Variants in MTRF1L observed in about 807,000 individuals in gnomAD.
MTRF1L encodes peptide chain release factor 1-like, mitochondrial.
A neutral mutation model predicts 40.0 loss-of-function variants in MTRF1L; 29 were observed. That is an observed-to-expected ratio of 0.73 (90% CI 0.54 to 0.99). The LOEUF (loss-of-function observed/expected upper bound fraction) is 0.99, where lower values mean the gene tolerates loss of function less well. Among genes scored for constraint, MTRF1L ranks in the 50% least tolerant of loss-of-function variants. MTRF1L has a pLI of 0.00. For synonymous variants in MTRF1L, 150 were observed against 175.8 expected (o/e 0.85, Z 1.16); for missense variants, 412 against 464.5 (o/e 0.89, Z 1.04).
chr6:152,992,769 AAC>A, intron 5 of MTRF1L, 86 bp downstream of exon 5: 3 of 942,116 alleles, frequency 3.2e-6, no homozygotes, highest in Non-Finnish European at 5.0e-6. Flanking sequence ...CTTCTCTGGT[AAC>A]CGAGGATCTA....
intron 6 of MTRF1L, 98 bp downstream of exon 6, chr6:152,991,087 G>T: frequency 1.4e-6 from 1 of 713,912 alleles, no homozygotes; most frequent in Non-Finnish European, 2.1e-6. Flanking sequence ...TTCAACACAG[G>T]TTAAAACAAA....
At chr6:153,002,284 A>C in intron 1 of MTRF1L, 143 bp downstream of exon 1, 1 of 1,244,826 alleles carries the variant, frequency 8.0e-7, no homozygotes, top group Non-Finnish European at 1.1e-6. Context: ...CACAGCACGT[A>C]ATGATGTCCT....
chr6:153,001,128 C>T (rs1778902191), intron 1 of MTRF1L, among the ~76,000 whole-genome samples: 1 of 152,150 alleles, frequency 6.6e-6, no homozygotes. Context: ...CCACCTGAGC[C>T]TCTCAAAGTG....
At chr6:153,000,369 TACAC>T (rs891151906) in intron 1 of MTRF1L, among the ~76,000 whole-genome samples, 2 of 152,234 alleles carry the variant, frequency 1.3e-5, no homozygotes, top group Non-Finnish European at 2.9e-5. Context: ...ATTTTACACT[TACAC>T]ACCTCAATTC....
intron 6 of MTRF1L, 41 bp downstream of exon 6, chr6:152,991,144 A>G: frequency 7.6e-7 from 1 of 1,313,900 alleles, no homozygotes; most frequent in African/African-American, 1.5e-5. Context: ...ATATAAAAAT[A>G]TTTCTATCCT....
intron 1 of MTRF1L, 139 bp downstream of exon 1, chr6:153,002,288 A>G: frequency 1.6e-6 from 2 of 1,272,820 alleles, no homozygotes; most frequent in Non-Finnish European, 1.1e-6. Context: ...GCACGTAATG[A>G]TGTCCTGACC....
intron 4 of MTRF1L, 89 bp downstream of exon 4, chr6:152,994,424 T>A (rs2129098911): frequency 7.6e-7 from 1 of 1,322,138 alleles, no homozygotes; most frequent in South Asian, 1.7e-5. Flanking sequence ...ACCAAATAGA[T>A]ACTCAATTCA....
intron 1 of MTRF1L, 81 bp from the exon 2 acceptor site, chr6:152,998,710 GT>G (rs1778805423): frequency 1.1e-6 from 1 of 888,504 alleles, no homozygotes; most frequent in African/African-American, 1.7e-5. Flanking sequence ...TAGTTTTATG[GT>G]TATTATAGCT....
Position 152,990,063 on chromosome 6 carries a change from T to G in MTRF1L, c.975A>C (p.Arg325Ser). 6.2e-7 allele frequency: 1 copy of G among 1,613,938 alleles called. No homozygotes were observed. Among genetic ancestry groups the G allele is most frequent in the South Asian group, 1.1e-5 (1 of 91,026 alleles). Residue 325 changes from arginine (R) to serine (S), a missense_variant, in exon 7 of 7, where the codon AGA becomes AGC. By Grantham distance (110) the Arg-to-Ser change is moderately radical (BLOSUM62 -1). Coordinates refer to ENST00000367233, the MANE Select transcript of MTRF1L (RefSeq NM_019041.7). The part of the protein sequence containing the change: ...IGSKGRSEKI[R>S]TYNFPQNRVT... ...CCCGGTTCTGTGGAAAATTATATGT[T>G]CTTATTTTCTCTGATCTTCCTTTAC...
At chr6:152,999,507 CT>C (rs910318495) in intron 1 of MTRF1L, among the ~76,000 whole-genome samples, 2 of 152,096 alleles carry the variant, frequency 1.3e-5, no homozygotes, top group African/African-American at 4.8e-5. Flanking sequence ...AACCTAAACC[CT>C]TATGTGACAT....
chr6:153,001,256 G>A (rs181646375), intron 1 of MTRF1L, among the ~76,000 whole-genome samples: 1 of 152,158 alleles, frequency 6.6e-6, no homozygotes. Flanking sequence ...AGCTCTGGCT[G>A]TTTTTTTCTT....
rs1316753031 is a variant in MTRF1L at position 153,002,563 on chromosome 6, C to T, written c.123G>A (p.Gly41=). ...PPLEELFTRG[G]PLRTFLERQA... ...GGCGCTCGAGGAAGGTCCGCAAGGGCCCGCCCCGGGTGAACAGCTCCTCCA... is the reference window on the plus strand; with the variant it reads ...GGCGCTCGAGGAAGGTCCGCAAGGGTCCGCCCCGGGTGAACAGCTCCTCCA... The change falls in exon 1 of 7, where the codon GGG becomes GGA. Residue 41 remains glycine (G), a synonymous_variant. Transcript: ENST00000367233. 2.5e-6 allele frequency: 4 copies of T among 1,577,816 alleles called. No individual in the cohort carries two copies. The highest frequency in any genetic ancestry group is 3.4e-6 in the Non-Finnish European group (4 of 1,163,290).
Position 153,002,617 on chromosome 6 carries a change from G to A in MTRF1L, c.69C>T (p.Arg23=). The change falls in exon 1 of 7, where the codon CGC becomes CGT. Residue 23 remains arginine, a synonymous_variant. Coordinates refer to ENST00000367233, the MANE Select transcript of MTRF1L (RefSeq NM_019041.7). ...GCGGGCTACCGGAGCTCAGGGGCCGGCGGGCTGGGCCAACGGCCCGGCGGG... is the reference window on the plus strand; with the variant it reads ...GCGGGCTACCGGAGCTCAGGGGCCGACGGGCTGGGCCAACGGCCCGGCGGG... ...LWPRRAVGPA[R]RPLSSGSPPL... The A allele has an allele frequency of 6.5e-7, 1 of 1,538,790 alleles. No homozygotes were observed.
rs140963540 is a variant in MTRF1L at position 152,990,238 on chromosome 6, T to C, written c.943-143A>G. Reference sequence around the variant, plus strand: ...GGTTTTAAACACTTAGAATCTCAAATGACATGGGAACATGATATAGAAAAA... The same window carrying C: ...GGTTTTAAACACTTAGAATCTCAAACGACATGGGAACATGATATAGAAAAA... On this transcript the variant is annotated intron_variant, in intron 6 of 6. Coordinates refer to ENST00000367233, the MANE Select transcript of MTRF1L (RefSeq NM_019041.7). 418 of 1,148,300 alleles carry C rather than the reference T, an allele frequency of 3.6e-4. 4 individuals are homozygous for C. The East Asian group carries it at 0.011, about 29-fold the overall frequency. 71.1% of individuals were successfully genotyped at this position (1,148,300 alleles called of 1,614,324 possible).
chr6:152,998,563 T>C lies in MTRF1L; in HGVS notation c.326A>G (p.Gln109Arg), dbSNP rs1469072639. The change falls in exon 2 of 7, where the codon CAG (glutamine) becomes CGG (arginine). Residue 109 changes from glutamine (Q) to arginine (R), a missense_variant. By Grantham distance (43) the Gln-to-Arg change is conservative. Transcript: ENST00000367233. The part of the protein sequence containing the change: ...EITLCQKEIT[Q>R]LKHQIILLLV... Reference sequence around the variant, plus strand: ...GAAATACCATACCTGATGCTTCAGCTGAGTTATTTCTTTTTGACACAAAGT... The same window carrying C: ...GAAATACCATACCTGATGCTTCAGCCGAGTTATTTCTTTTTGACACAAAGT... 17 of 1,592,082 alleles carry C rather than the reference T, an allele frequency of 1.1e-5. No individual in the cohort carries two copies. Among genetic ancestry groups the C allele is most frequent in the East Asian group, 2.3e-5 (1 of 43,384 alleles).
intron 5 of MTRF1L, among the ~76,000 whole-genome samples, 179 bp downstream of exon 5, chr6:152,992,678 C>T (rs578158401): frequency 3.1e-4 from 47 of 152,278 alleles, no homozygotes; most frequent in Non-Finnish European, 7.4e-5. Flanking sequence ...CCCTCTTCCT[C>T]GCCTTGCAGT....
intron 1 of MTRF1L, 164 bp from the exon 2 acceptor site, chr6:152,998,793 C>G (rs1778808175): frequency 5.1e-6 from 2 of 394,140 alleles, no homozygotes; most frequent in Non-Finnish European, 8.9e-6. Context: ...CAATAAATGT[C>G]CTTTCAATCA....
intron 5 of MTRF1L, 41 bp downstream of exon 5, chr6:152,992,816 T>A (rs759909593): frequency 1.4e-6 from 2 of 1,455,910 alleles, no homozygotes; most frequent in South Asian, 2.4e-5. Context: ...ATTCCAAAAT[T>A]GATTTCTTTG....
At chr6:152,993,964 C>T (rs1778621403) in intron 4 of MTRF1L, among the ~76,000 whole-genome samples, 1 of 152,172 alleles carries the variant, frequency 6.6e-6, no homozygotes, top group African/African-American at 2.4e-5. Flanking sequence ...AAAAACAAGT[C>T]AGATATCTGC....
Sources: allele counts gnomAD v4.1 joint callset (sites outside exome capture counted in the v4.1 genomes callset), GRCh38; gene constraint gnomAD v4.1.1; transcripts MANE v1.5; gene names NCBI Gene and HGNC (gene_info 2026-07-23, HGNC 2026-07-21).